The following ROBO1 variants were observed in gnomAD, a reference collection of about 807,000 sequenced individuals.
ROBO1 encodes roundabout homolog 1.
A neutral mutation model predicts 195.9 loss-of-function variants in ROBO1; 149 were observed. The ratio of observed to expected loss-of-function variants is 0.76; its 90% CI spans 0.67 to 0.87. ROBO1 has a LOEUF of 0.87. Among genes scored for constraint, ROBO1 ranks in the 40% least tolerant of loss-of-function variants. The pLI, the probability that ROBO1 is intolerant of heterozygous loss-of-function variation, is 0.00. For synonymous variants in ROBO1, 816 were observed against 733.2 expected, an observed-to-expected ratio of 1.11 and a Z score of -1.82; for missense variants, 1,933 against 2,068.3, an observed-to-expected ratio of 0.93 and a Z score of 1.27.
At chr3:79,019,661 C>T (rs1391488795) in intron 3 of ROBO1, among the ~76,000 whole-genome samples, 1 of 152,100 alleles carries the variant, frequency 6.6e-6, no homozygotes, top group Non-Finnish European at 1.5e-5. Flanking sequence ...AATCCAATTG[C>T]TCGGAATCGG....
intron 10 of ROBO1, among the ~76,000 whole-genome samples, chr3:78,670,948 ATTG>A (rs1160617197): frequency 6.6e-6 from 1 of 152,170 alleles, no homozygotes; most frequent in African/African-American, 2.4e-5. Flanking sequence ...GCCCAAATAC[ATTG>A]TTGTTTGGCT....
intron 1 of ROBO1, among the ~76,000 whole-genome samples, chr3:79,629,784 G>A (rs1351773513): frequency 6.6e-6 from 1 of 151,774 alleles, no homozygotes; most frequent in African/African-American, 2.4e-5. Flanking sequence ...ATTCAAATAA[G>A]GACAATTAGA....
At chr3:79,543,262 G>A (rs1044163232) in intron 2 of ROBO1, among the ~76,000 whole-genome samples, 1 of 152,146 alleles carries the variant, frequency 6.6e-6, no homozygotes, top group African/African-American at 2.4e-5. Context: ...ATTGTAAAGG[G>A]TAAGATTCCA....
intron 2 of ROBO1, among the ~76,000 whole-genome samples, chr3:79,515,798 T>A (rs991457489): frequency 6.6e-6 from 1 of 152,222 alleles, no homozygotes; most frequent in Non-Finnish European, 1.5e-5. Flanking sequence ...TCATAAAATG[T>A]TCATGCAACT....
At chr3:79,187,867 T>TA (rs1207679034) in intron 2 of ROBO1, among the ~76,000 whole-genome samples, 1 of 151,950 alleles carries the variant, frequency 6.6e-6, no homozygotes, top group Non-Finnish European at 1.5e-5. Flanking sequence ...AATGAGCTGG[T>TA]AAAAAAGAAA....
intron 26 of ROBO1, among the ~76,000 whole-genome samples, chr3:78,620,606 A>C (rs9873409): frequency 0.6 from 91,577 of 152,100 alleles, 28,210 homozygotes; most frequent in Middle Eastern, 0.74. Flanking sequence ...TTAAAAATAA[A>C]TGATTATTAA....
intron 4 of ROBO1, among the ~76,000 whole-genome samples, chr3:78,865,863 T>A (rs1270941212): frequency 1.3e-5 from 2 of 152,176 alleles, no homozygotes; most frequent in Non-Finnish European, 2.9e-5. Flanking sequence ...CTTTGCTAAC[T>A]CAAAAGGACA....
chr3:79,665,998 A>G (rs1291590733), intron 1 of ROBO1, among the ~76,000 whole-genome samples: 1 of 151,998 alleles, frequency 6.6e-6, no homozygotes, highest in Non-Finnish European at 1.5e-5. Flanking sequence ...TTTGAAATAC[A>G]TATAGAAAAA....
chr3:78,960,787 C>CACAA lies in ROBO1; in HGVS notation c.173-21861_173-21860insTTGT, dbSNP rs755381527. ...GCGAGACTCCGTATTAAAACACACA[C>CACAA]ACACACACACACACACACACACACA... On this transcript the variant is annotated intron_variant, in intron 3 of 30. Transcript: ENST00000464233. Among the ~76,000 whole-genome samples the CACAA allele has an allele frequency of 9.8e-5, 7 of 71,676 alleles. 1 individual carries two copies. The highest frequency in any genetic ancestry group is 3.7e-4 in the African/African-American group (7 of 18,964). The allele number at this position is 71,676 out of a possible 152,430, so 47.0% of individuals were successfully genotyped here. A position where few individuals can be genotyped will look rare whatever the true frequency, so the allele number is the denominator to read the frequency against.
chr3:79,322,237 C>G (rs929347597), intron 2 of ROBO1, among the ~76,000 whole-genome samples: 2 of 152,156 alleles, frequency 1.3e-5, no homozygotes, highest in African/African-American at 2.4e-5. Context: ...AGTATATACA[C>G]AGTCTTCTTT....
At chr3:79,124,825 T>A (rs958125997) in intron 3 of ROBO1, among the ~76,000 whole-genome samples, 1 of 152,194 alleles carries the variant, frequency 6.6e-6, no homozygotes, top group African/African-American at 2.4e-5. Context: ...AAAAATTCCA[T>A]GTGACACATA....
At chr3:79,369,180 T>C (rs183816187) in intron 2 of ROBO1, among the ~76,000 whole-genome samples, 74 of 152,312 alleles carry the variant, frequency 4.9e-4, no homozygotes, top group Admixed American at 4.6e-4. Flanking sequence ...GACTGGTGAA[T>C]TTTAAGACAG....
intron 4 of ROBO1, among the ~76,000 whole-genome samples, chr3:78,892,227 A>G (rs2036946090): frequency 1.3e-5 from 2 of 152,166 alleles, no homozygotes; most frequent in South Asian, 4.1e-4. Flanking sequence ...TTAGATTCTC[A>G]TAGAAGTGCA....
intron 4 of ROBO1, among the ~76,000 whole-genome samples, chr3:78,769,618 GT>G (rs34157314): frequency 0.31 from 26,071 of 84,106 alleles, 1,978 homozygotes; most frequent in Admixed American, 0.4. Flanking sequence ...GTGTACTTTG[GT>G]TTTTTTTTTT....
chr3:79,174,125 T>C (rs1215172501), intron 2 of ROBO1, among the ~76,000 whole-genome samples: 1 of 151,994 alleles, frequency 6.6e-6, no homozygotes, highest in Non-Finnish European at 1.5e-5. Context: ...GGCAACCTGC[T>C]CAGGTCCCCT....
At chr3:79,182,845 T>C (rs943215492) in intron 2 of ROBO1, among the ~76,000 whole-genome samples, 2 of 151,976 alleles carry the variant, frequency 1.3e-5, no homozygotes, top group Non-Finnish European at 2.9e-5. Context: ...TTTGGGAAGC[T>C]GAGGCAGGCG....
intron 3 of ROBO1, among the ~76,000 whole-genome samples, chr3:78,956,156 T>C (rs975686988): frequency 1.3e-5 from 2 of 152,176 alleles, no homozygotes; most frequent in African/African-American, 4.8e-5. Flanking sequence ...GTACATACTT[T>C]AGTAAATATT....
chr3:79,610,691 T>C (rs375601203), intron 1 of ROBO1, among the ~76,000 whole-genome samples: 1 of 152,040 alleles, frequency 6.6e-6, no homozygotes, highest in Admixed American at 6.6e-5. Context: ...CGAGATATCA[T>C]ACTTTGCTAG....
chr3:78,869,370 C>G (rs148275375), intron 4 of ROBO1, among the ~76,000 whole-genome samples: 3 of 152,088 alleles, frequency 2.0e-5, no homozygotes, highest in Non-Finnish European at 4.4e-5. Flanking sequence ...TTTAAACAAA[C>G]GTTGATCTTT....
Sources: gnomAD v4.1 joint callset for allele counts (sites outside exome capture counted in the v4.1 genomes callset) on GRCh38, gnomAD v4.1.1 for gene constraint, MANE v1.5 for transcripts, NCBI Gene and HGNC (gene_info 2026-07-23, HGNC 2026-07-21) for gene names.